Variants in ZBTB40 observed in about 807,000 individuals in gnomAD.
The protein encoded by ZBTB40 is zinc finger and BTB domain containing 40, also known as zinc finger and BTB domain-containing protein 40.
ZBTB40 carries 60 observed loss-of-function variants against 117.5 expected under a neutral mutation model. That is an observed-to-expected ratio of 0.51 (90% CI 0.41 to 0.63). The LOEUF is 0.63. ZBTB40 is among the 30% of genes least tolerant of loss of function. The pLI is 0.00. For missense variants in ZBTB40, 1,287 were observed against 1,498.5 expected, an observed-to-expected ratio of 0.86 and a Z score of 2.33; for synonymous variants, 525 against 577.1, an observed-to-expected ratio of 0.91 and a Z score of 1.29.
At chr1:22,431,384 G>GTGTGTGTATATATATA (rs1222294324) in intron 1 of ZBTB40, among the ~76,000 whole-genome samples, 2 of 119,710 alleles carry the variant, frequency 1.7e-5, no homozygotes, top group African/African-American at 7.4e-5. Flanking sequence ...GTGTGTGTGT[G>GTGTGTGTATATATATA]TATATATATA....
chr1:22,431,323 T>TG lies in ZBTB40; in HGVS notation c.-70+2309_-70+2310insG, dbSNP rs1258401662. On this transcript the variant is annotated intron_variant, in intron 1 of 8. Coordinates refer to the ZBTB40 transcript ENST00000650433. The stretch of plus-strand genomic sequence containing the variant: ...ATTGAATATACAGTATATATTTATA[T>TG]TGTATATATATATTATATAGTGTAT... Among the ~76,000 whole-genome samples, 15 of 84,736 alleles carry TG rather than the reference T, an allele frequency of 1.8e-4. 1 individual carries two copies. In the African/African-American group the frequency reaches 1.8e-3, roughly 10 times the overall value. 55.6% of individuals were successfully genotyped at this position (84,736 alleles called of 152,430 possible).
intron 1 of ZBTB40, among the ~76,000 whole-genome samples, chr1:22,440,826 C>A (rs1640723770): frequency 6.6e-6 from 1 of 152,074 alleles, no homozygotes. Flanking sequence ...AGGAGTAAAT[C>A]TCACTTGGTC....
At position 22,508,748 on chromosome 1, in the gene ZBTB40, C is replaced by T. The variant is rs376114920; in HGVS notation, c.1699+17C>T. 2.5e-6 allele frequency: 4 copies of T among 1,611,848 alleles called. No homozygotes were observed. In the South Asian group the frequency reaches 4.4e-5, roughly 18 times the overall value. On this transcript the variant is annotated intron_variant, in intron 8 of 17. Transcript: ENST00000375647. ...TCCGGGCAGGTAAGTTACCTGCCCT[C>T]TGGGGGGGTTTTGCCCCCACTAGAG...
At chr1:22,466,218 C>T (rs1641251868) in intron 1 of ZBTB40, among the ~76,000 whole-genome samples, 1 of 152,200 alleles carries the variant, frequency 6.6e-6, no homozygotes, top group Non-Finnish European at 1.5e-5. Context: ...GTATCAGTAC[C>T]TCCTTTTTAT....
intron 5 of ZBTB40, among the ~76,000 whole-genome samples, chr1:22,503,026 T>C (rs1638983905): frequency 6.6e-6 from 1 of 152,140 alleles, no homozygotes; most frequent in African/African-American, 2.4e-5. Flanking sequence ...ACATATGGTT[T>C]TCTAACTTGA....
chr1:22,496,785 C>T (rs1311625792), intron 3 of ZBTB40, among the ~76,000 whole-genome samples: 4 of 152,206 alleles, frequency 2.6e-5, no homozygotes, highest in Non-Finnish European at 5.9e-5. Flanking sequence ...ATGGCAGCAG[C>T]TGCTCTAACT....
Position 22,526,318 on chromosome 1 carries a change from C to A in ZBTB40, c.3642C>A (p.Ala1214=), listed in dbSNP as rs777852321. ...VTLPDSQASQ[A]SSELVAVTVE... is the part of the protein sequence containing the mutation. ...TGCCAGATTCTCAGGCATCTCAGGC[C>A]AGCTCTGAGCTCGTGGCGGTGACTG... The change falls in exon 18 of 18, where the codon GCC becomes GCA. Residue 1214 remains alanine, a synonymous_variant. Transcript: ENST00000375647. The A allele has an allele frequency of 6.2e-7, 1 of 1,614,206 alleles. No homozygotes were observed. The highest frequency in any genetic ancestry group is 8.5e-7 in the Non-Finnish European group (1 of 1,180,042).
intron 1 of ZBTB40, among the ~76,000 whole-genome samples, chr1:22,463,499 G>A (rs1641181699): frequency 6.6e-6 from 1 of 152,222 alleles, no homozygotes; most frequent in Non-Finnish European, 1.5e-5. Flanking sequence ...TGATACCTAA[G>A]AGATTGGATT....
At chr1:22,520,514 A>G (rs1639494169) in intron 14 of ZBTB40, among the ~76,000 whole-genome samples, 1 of 152,204 alleles carries the variant, frequency 6.6e-6, no homozygotes, top group Non-Finnish European at 1.5e-5. Context: ...CTTCTCTTAG[A>G]CAGCAGACTT....
intron 1 of ZBTB40, among the ~76,000 whole-genome samples, chr1:22,476,813 A>C (rs565608025): frequency 6.6e-6 from 1 of 152,216 alleles, no homozygotes; most frequent in East Asian, 1.9e-4. Flanking sequence ...GACCTTTGAC[A>C]ATTTTTTCGA....
At chr1:22,442,659 T>C (rs1443471155) in intron 1 of ZBTB40, among the ~76,000 whole-genome samples, 2 of 152,206 alleles carry the variant, frequency 1.3e-5, no homozygotes, top group Admixed American at 6.5e-5. Flanking sequence ...GTGACCTTGC[T>C]GTAGCACCTA....
At chr1:22,449,007 G>A (rs553932228), upstream of ZBTB40, among the ~76,000 whole-genome samples, 22 of 152,074 alleles carry the variant, frequency 1.4e-4, no homozygotes, top group South Asian at 4.6e-3. Flanking sequence ...GTAGAGATGG[G>A]GTTTCACCAT....
rs1275225410 is a variant in ZBTB40, at chr1:22,490,168, T to C, written c.220T>C (p.Leu74=). ...GGTGAGCCCCGAGGAGTTTGCGCTC[T>C]TGTTGGAAATGATGTACACGGGCAA... The part of the protein sequence containing the change: ...SVVSPEEFAL[L]LEMMYTGKLP... Residue 74 remains leucine, a synonymous_variant, in exon 2 of 18, where the codon TTG becomes CTG. Coordinates refer to ENST00000375647, the MANE Select transcript of ZBTB40 (RefSeq NM_014870.4). The C allele has an allele frequency of 3.1e-6, 5 of 1,614,192 alleles. No homozygotes were observed. The highest frequency in any genetic ancestry group is 4.5e-5 in the East Asian group (2 of 44,886).
In ZBTB40 at chr1:22,473,184, C is replaced by T. The variant is rs1374523251; in HGVS notation, c.-69-16696C>T. Among the ~76,000 whole-genome samples, 7 of 152,120 alleles carry T rather than the reference C, an allele frequency of 4.6e-5. No individual in the cohort carries two copies. The East Asian group carries it at 5.8e-4, about 13-fold the overall frequency. ...TTGGACCAACAGCAGCTAGGTCACC[C>T]GGAGCGTATTAAAAATGAAGAGTCT... On this transcript the variant is annotated intron_variant, in intron 1 of 17. Transcript: ENST00000375647.
In ZBTB40 at chr1:22,520,228, G is replaced by A. The variant is rs201903976; in HGVS notation, c.3001G>A (p.Val1001Ile). Residue 1001 changes from valine to isoleucine, a missense_variant, in exon 14 of 18, where the codon GTT becomes ATT. Physicochemically the swap from Val to Ile is conservative, Grantham distance 29 (BLOSUM62 3). This residue lies in a region of ZBTB40 where 417 missense variants were observed against 564.1 expected (regional missense o/e 0.74). Coordinates refer to ENST00000375647, the MANE Select transcript of ZBTB40 (RefSeq NM_014870.4). Reference sequence around the variant, plus strand: ...GCTGGAGCGGCACGTGGTGACCCACGTTGGAGGGAAGCCCTTCAGCTGCGG... The same window carrying A: ...GCTGGAGCGGCACGTGGTGACCCACATTGGAGGGAAGCCCTTCAGCTGCGG... ...SMLERHVVTH[V>I]GGKPFSCGIC... is the part of the protein sequence containing the mutation. 54 of 1,613,702 alleles carry A rather than the reference G, an allele frequency of 3.3e-5. No homozygotes were observed. Among genetic ancestry groups the A allele is most frequent in the East Asian group, 1.6e-4 (7 of 44,896 alleles).
At chr1:22,503,066 A>G (rs141960188) in intron 5 of ZBTB40, among the ~76,000 whole-genome samples, 4 of 151,186 alleles carry the variant, frequency 2.6e-5, no homozygotes, top group African/African-American at 9.7e-5. Context: ...ATACATGTCT[A>G]TACCTATAAT....
Position 22,529,574 on chromosome 1 carries a change from G to A in ZBTB40, c.*3178G>A, listed in dbSNP as rs151008984. 2.2e-3 allele frequency: 336 copies of A among 152,464 alleles called. 1 individual carries two copies. Among genetic ancestry groups the A allele is most frequent in the Middle Eastern group, 0.014 (4 of 294 alleles). 9.4% of individuals were successfully genotyped at this position (152,464 alleles called of 1,614,324 possible). A position where few individuals can be genotyped will look rare whatever the true frequency, so the allele number is the denominator to read the frequency against. Reference sequence around the variant, plus strand: ...GGAAGGTGAGACTCCTACTGTCCACGCGCATGAGCAGAACCTGGAACCAGA... The same window carrying A: ...GGAAGGTGAGACTCCTACTGTCCACACGCATGAGCAGAACCTGGAACCAGA... On this transcript the variant is annotated 3_prime_UTR_variant, in exon 18 of 18. Transcript: ENST00000375647.
chr1:22,519,711 A>C (rs1027959907), intron 13 of ZBTB40: 1 of 354,280 alleles, frequency 2.8e-6, no homozygotes, highest in African/African-American at 2.1e-5. Context: ...AGAAAACTCC[A>C]GAATGCCCAC....
rs74707424 is a variant in ZBTB40, at chr1:22,526,921, G to A, written c.*525G>A. The A allele has an allele frequency of 1.4e-4, 32 of 231,514 alleles. 1 individual carries two copies. In the East Asian group the frequency reaches 3.2e-3, roughly 23 times the overall value. The allele number at this position is 231,514 out of a possible 1,614,324, so 14.3% of individuals were successfully genotyped here. ...CTGAGGCACACTTGGCCCCTTCCTC[G>A]GTCCTATCATCCTACCCTCTGCTGG... On this transcript the variant is annotated 3_prime_UTR_variant, in exon 18 of 18. Coordinates refer to ENST00000375647, the MANE Select transcript of ZBTB40 (RefSeq NM_014870.4).
Sources: allele counts gnomAD v4.1 joint callset (sites outside exome capture counted in the v4.1 genomes callset), GRCh38; gene constraint gnomAD v4.1.1; regional missense constraint gnomAD v4.1.1; transcripts MANE v1.5; gene names NCBI Gene and HGNC (gene_info 2026-07-23, HGNC 2026-07-21).